The following GALK2 variants were observed in gnomAD, a reference collection of about 807,000 sequenced individuals.
The protein encoded by GALK2 is galactokinase 2, also known as N-acetylgalactosamine kinase.
Under a neutral mutation model 52.4 loss-of-function variants are expected in GALK2, and 36 were observed. That is an observed-to-expected ratio of 0.69 (90% CI 0.53 to 0.91). The LOEUF (loss-of-function observed/expected upper bound fraction) is 0.91, where lower values mean the gene tolerates loss of function less well. Ranked by LOEUF, GALK2 falls within the 40% of genes least tolerant of loss-of-function variation. GALK2 has a pLI of 0.00. For synonymous variants in GALK2, 176 were observed against 199.1 expected (o/e 0.88, Z 0.98); for missense variants, 579 against 559.1 (o/e 1.04, Z -0.36).
intron 7 of GALK2, among the ~76,000 whole-genome samples, chr15:49,285,548 C>T (rs2033252087): frequency 6.6e-6 from 1 of 152,174 alleles, no homozygotes; most frequent in African/African-American, 2.4e-5. Context: ...TCCTAATAAA[C>T]ATCTTCAACT....
intron 9 of GALK2, among the ~76,000 whole-genome samples, chr15:49,320,572 A>C (rs1172207101): frequency 6.6e-6 from 1 of 152,204 alleles, no homozygotes; most frequent in Non-Finnish European, 1.5e-5. Context: ...GCTACACTAC[A>C]ATTAGTAATG....
chr15:49,363,601 T>G (rs1482806413), intron 3 of GALK2, among the ~76,000 whole-genome samples: 1 of 152,202 alleles, frequency 6.6e-6, no homozygotes. Context: ...TGTTCTTATT[T>G]GAATGCCTTT....
chr15:49,366,250 A>G, intron 3 of GALK2: 1 of 786,470 alleles, frequency 1.3e-6, no homozygotes, highest in East Asian at 2.4e-5. Flanking sequence ...TCATATCTAT[A>G]AAGTCTTTGT....
chr15:49,214,056 C>G (rs1446926204), intron 2 of GALK2, among the ~76,000 whole-genome samples: 2 of 151,918 alleles, frequency 1.3e-5, no homozygotes, highest in African/African-American at 4.8e-5. Context: ...GGAGGTGGAG[C>G]GTGCAGTGAG....
chr15:49,270,622 A>C (rs2030360365), intron 5 of GALK2, among the ~76,000 whole-genome samples: 1 of 152,200 alleles, frequency 6.6e-6, no homozygotes, highest in African/African-American at 2.4e-5. Flanking sequence ...CCTGACCCTA[A>C]AGATGCTTCC....
Position 49,331,434 on chromosome 15 carries a change from C to G in GALK2, c.*3275C>G, listed in dbSNP as rs1447284241. On this transcript the variant is annotated 3_prime_UTR_variant, in exon 10 of 10. Transcript: ENST00000560031. ...GAGGGCAGGGACCATTCATCTAACA[C>G]AGCTGTTGGTACCCAATATGATTTT... is the stretch of plus-strand genomic sequence containing the variant. The G allele has an allele frequency of 4.4e-6, 1 of 224,860 alleles. No individual in the cohort carries two copies. The allele number at this position is 224,860 out of a possible 1,614,324, so 13.9% of individuals were successfully genotyped here.
chr15:49,186,956 G>A (rs985538667), intron 1 of GALK2, among the ~76,000 whole-genome samples: 1 of 152,198 alleles, frequency 6.6e-6, no homozygotes, highest in Admixed American at 6.5e-5. Context: ...TTGATTTGGT[G>A]ATGTCATATT....
At chr15:49,245,238 A>G (rs1477482999) in intron 5 of GALK2, among the ~76,000 whole-genome samples, 1 of 152,156 alleles carries the variant, frequency 6.6e-6, no homozygotes, top group African/African-American at 2.4e-5. Context: ...ACAGGCAATA[A>G]CATTTACCAA....
chr15:49,157,557 G>T (rs921916633), intron 1 of GALK2, among the ~76,000 whole-genome samples: 22 of 152,178 alleles, frequency 1.4e-4, no homozygotes, highest in Non-Finnish European at 2.1e-4. Context: ...GAGAGAGGCA[G>T]TAGTAGAAAC....
intron 2 of GALK2, among the ~76,000 whole-genome samples, chr15:49,216,034 A>G (rs2089341753): frequency 1.3e-5 from 2 of 152,104 alleles, no homozygotes; most frequent in Admixed American, 1.3e-4. Flanking sequence ...GGGTAAGGTA[A>G]AGGAGAATTC....
chr15:49,186,674 G>A (rs918901054), intron 1 of GALK2, among the ~76,000 whole-genome samples: 12 of 151,806 alleles, frequency 7.9e-5, no homozygotes, highest in Non-Finnish European at 1.6e-4. Flanking sequence ...GAGTAGCTGG[G>A]ACTACAGGTG....
chr15:49,203,970 C>G (rs578064498), intron 2 of GALK2, among the ~76,000 whole-genome samples: 5 of 152,152 alleles, frequency 3.3e-5, no homozygotes, highest in Admixed American at 3.3e-4. Context: ...CAAAAATTAG[C>G]TGGGTGTGGT....
chr15:49,214,965 T>C (rs569607055), intron 2 of GALK2, among the ~76,000 whole-genome samples: 1 of 152,310 alleles, frequency 6.6e-6, no homozygotes, highest in Admixed American at 6.5e-5. Context: ...TATTTCTCTT[T>C]CATGTTTGAA....
chr15:49,189,423 A>C (rs966590658), intron 1 of GALK2, among the ~76,000 whole-genome samples: 3 of 152,206 alleles, frequency 2.0e-5, no homozygotes, highest in Non-Finnish European at 2.9e-5. Flanking sequence ...ATACATCCCA[A>C]GACCCCTCAG....
chr15:49,192,676 C>A (rs1424894404), intron 1 of GALK2, among the ~76,000 whole-genome samples: 1 of 151,604 alleles, frequency 6.6e-6, no homozygotes, highest in Non-Finnish European at 1.5e-5. Flanking sequence ...TAGAAGAGTG[C>A]CTGTTTACCC....
At chr15:49,189,373 A>G (rs956960568) in intron 1 of GALK2, among the ~76,000 whole-genome samples, 1 of 152,180 alleles carries the variant, frequency 6.6e-6, no homozygotes, top group East Asian at 1.9e-4. Context: ...CAGTTATCCT[A>G]CTAATGTTCT....
chr15:49,351,131 A>G (rs1309729627), intron 3 of GALK2, among the ~76,000 whole-genome samples: 1 of 138,198 alleles, frequency 7.2e-6, no homozygotes, highest in Non-Finnish European at 1.6e-5. Flanking sequence ...TAGTTTTGTT[A>G]GCCTTGTTTG....
upstream of GALK2, chr15:49,170,115 G>A (rs1236689596): frequency 2.5e-6 from 3 of 1,222,330 alleles, no homozygotes; most frequent in Admixed American, 2.9e-5. Context: ...ACTGCTGCTT[G>A]GAGGGAACCC....
chr15:49,284,466 G>T (rs1277739256), intron 7 of GALK2, among the ~76,000 whole-genome samples: 1 of 152,142 alleles, frequency 6.6e-6, no homozygotes, highest in Non-Finnish European at 1.5e-5. Flanking sequence ...AAATAATCCA[G>T]AATAGCTCAT....
Sources: allele counts gnomAD v4.1 joint callset (sites outside exome capture counted in the v4.1 genomes callset), GRCh38; gene constraint gnomAD v4.1.1; transcripts MANE v1.5; gene names NCBI Gene and HGNC (gene_info 2026-07-23, HGNC 2026-07-21).